Variants in C10orf67 observed in about 807,000 individuals in gnomAD.
C10orf67 encodes uncharacterized protein C10orf67, mitochondrial.
C10orf67 carries 60 observed loss-of-function variants against 35.6 expected under a neutral mutation model. That is an observed-to-expected ratio of 1.68 (90% CI 1.37 to 2.09). C10orf67 has a LOEUF of 2.09. Ranked by LOEUF, C10orf67 falls within the 30% of genes most tolerant of loss-of-function variation. The probability of loss-of-function intolerance (pLI) is 0.00; values close to 1 mark genes in which losing one functional copy is unlikely to be tolerated. For missense variants in C10orf67, 474 were observed against 330.2 expected (o/e 1.44, Z -3.38); for synonymous variants, 167 against 115.8 (o/e 1.44, Z -2.84).
intron 13 of C10orf67, among the ~76,000 whole-genome samples, chr10:23,228,427 C>G (rs1040449151): frequency 6.6e-6 from 1 of 152,152 alleles, no homozygotes; most frequent in South Asian, 2.1e-4. Context: ...TAACCTTATA[C>G]AAAAATTAAT....
At chr10:23,243,583 A>C (rs898532439) in intron 12 of C10orf67, among the ~76,000 whole-genome samples, 12 of 151,838 alleles carry the variant, frequency 7.9e-5, no homozygotes, top group Non-Finnish European at 1.5e-4. Flanking sequence ...GCTACTCGGG[A>C]GGCTGAGGCA....
chr10:23,331,948 A>G (rs1379731647), intron 2 of C10orf67, among the ~76,000 whole-genome samples: 1 of 152,230 alleles, frequency 6.6e-6, no homozygotes, highest in Admixed American at 6.5e-5. Context: ...AATATGTAGG[A>G]AAGAGACATC....
intron 7 of C10orf67, among the ~76,000 whole-genome samples, chr10:23,283,217 T>C (rs1199426827): frequency 6.6e-6 from 1 of 152,062 alleles, no homozygotes; most frequent in Non-Finnish European, 1.5e-5. Context: ...AAATTAAAAA[T>C]GAAAAAACAA....
intron 12 of C10orf67, among the ~76,000 whole-genome samples, chr10:23,249,170 T>C (rs946823386): frequency 2.3e-5 from 3 of 131,088 alleles, no homozygotes; most frequent in African/African-American, 8.6e-5. Context: ...AGAAAACTGA[T>C]ACGTTCTTGT....
intron 5 of C10orf67, among the ~76,000 whole-genome samples, chr10:23,301,510 C>G (rs1844074202): frequency 6.6e-6 from 1 of 152,204 alleles, no homozygotes; most frequent in South Asian, 2.1e-4. Flanking sequence ...TTGGAGGTCC[C>G]ATGTGGGTCA....
At chr10:23,285,373 A>G (rs1843499830) in intron 7 of C10orf67, among the ~76,000 whole-genome samples, 2 of 148,314 alleles carry the variant, frequency 1.3e-5, no homozygotes, top group Admixed American at 6.8e-5. Flanking sequence ...TTTGTTATAT[A>G]TATTATATTA....
At chr10:23,211,506 C>G (rs1026946834) in intron 15 of C10orf67, among the ~76,000 whole-genome samples, 1 of 150,516 alleles carries the variant, frequency 6.6e-6, no homozygotes, top group Non-Finnish European at 1.5e-5. Flanking sequence ...CAATTCAACC[C>G]GTAACACACA....
At chr10:23,260,172 C>T (rs550186415) in intron 10 of C10orf67, among the ~76,000 whole-genome samples, 7 of 152,004 alleles carry the variant, frequency 4.6e-5, no homozygotes, top group Admixed American at 3.3e-4. Context: ...AACAGAGAAA[C>T]GAAGTTAAAA....
At chr10:23,243,875 G>A (rs74873656) in intron 12 of C10orf67, among the ~76,000 whole-genome samples, 4,590 of 152,016 alleles carry the variant, frequency 0.03, 221 homozygotes, top group African/African-American at 0.1. Flanking sequence ...TCAACTTACT[G>A]GAAATAAAAC....
At chr10:23,314,692 CT>C (rs1461475592) in intron 4 of C10orf67, among the ~76,000 whole-genome samples, 1 of 151,964 alleles carries the variant, frequency 6.6e-6, no homozygotes, top group African/African-American at 2.4e-5. Context: ...GAAAAATCCA[CT>C]TTTTTTTCAG....
chr10:23,239,291 G>A (rs1468232597), intron 13 of C10orf67, among the ~76,000 whole-genome samples: 2 of 152,058 alleles, frequency 1.3e-5, no homozygotes, highest in Non-Finnish European at 2.9e-5. Context: ...TCTATTACAC[G>A]AATTCTAATG....
intron 15 of C10orf67, among the ~76,000 whole-genome samples, chr10:23,210,686 C>T (rs113306353): frequency 6.6e-6 from 1 of 152,128 alleles, no homozygotes; most frequent in Non-Finnish European, 1.5e-5. Flanking sequence ...TCCCAAAGTA[C>T]TGGGAGGATT....
At position 23,333,161 on chromosome 10, in the gene C10orf67, T is replaced by C; in HGVS notation, c.228A>G (p.Leu76=). The C allele has an allele frequency of 6.2e-7, 1 of 1,605,142 alleles. No homozygotes were observed. Among genetic ancestry groups the C allele is most frequent in the Non-Finnish European group, 8.5e-7 (1 of 1,173,730 alleles). Reference sequence around the variant, plus strand: ...GGTCTGTGCTGAAAAAGCCAATCTTTAAATCATCTGAAATGTTAAGTCTGA... The same window carrying C: ...GGTCTGTGCTGAAAAAGCCAATCTTCAAATCATCTGAAATGTTAAGTCTGA... ...GSTRLNISDD[L]KIGFFSTDHA... is the part of the protein sequence containing the mutation. Residue 76 remains leucine, a synonymous_variant, in exon 2 of 16, where the codon TTA becomes TTG. Coordinates refer to ENST00000636213, the MANE Select transcript of C10orf67 (RefSeq NM_001371909.1).
At chr10:23,206,424 G>GTA (rs1341002896) in intron 15 of C10orf67, among the ~76,000 whole-genome samples, 2 of 152,162 alleles carry the variant, frequency 1.3e-5, no homozygotes, top group African/African-American at 2.4e-5. Flanking sequence ...CCATTTGTAT[G>GTA]TATATATATG....
chr10:23,314,825 T>G (rs919529822), intron 4 of C10orf67, among the ~76,000 whole-genome samples: 1 of 152,212 alleles, frequency 6.6e-6, no homozygotes, highest in Admixed American at 6.5e-5. Flanking sequence ...GCAAGACAGA[T>G]ACTACCCTTT....
intron 3 of C10orf67, among the ~76,000 whole-genome samples, chr10:23,321,420 C>T (rs1479712958): frequency 2.0e-5 from 3 of 152,094 alleles, no homozygotes; most frequent in African/African-American, 7.2e-5. Flanking sequence ...CTTTGTTGCC[C>T]AGGCTGATCT....
intron 12 of C10orf67, among the ~76,000 whole-genome samples, chr10:23,243,958 C>T (rs1254801078): frequency 6.6e-6 from 1 of 152,210 alleles, no homozygotes; most frequent in Non-Finnish European, 1.5e-5. Context: ...GTGGCATGAA[C>T]AGGGCTTACG....
chr10:23,280,018 T>G (rs1843321662), intron 8 of C10orf67, among the ~76,000 whole-genome samples: 1 of 152,004 alleles, frequency 6.6e-6, no homozygotes, highest in Admixed American at 6.6e-5. Flanking sequence ...CATGCCTAGC[T>G]AATCTTTTTT....
intron 2 of C10orf67, among the ~76,000 whole-genome samples, chr10:23,328,347 G>T (rs1845281684): frequency 6.6e-6 from 1 of 152,068 alleles, no homozygotes; most frequent in Admixed American, 6.5e-5. Context: ...TACGGCCAAA[G>T]AAACATATGG....
Sources: gnomAD v4.1 joint callset for allele counts (sites outside exome capture counted in the v4.1 genomes callset) on GRCh38, gnomAD v4.1.1 for gene constraint, MANE v1.5 for transcripts, NCBI Gene and HGNC (gene_info 2026-07-23, HGNC 2026-07-21) for gene names.